FOCAD: variants seen among roughly 807,000 people sequenced by gnomAD.
FOCAD encodes the protein KIAA1797.
A neutral mutation model predicts 225.6 loss-of-function variants in FOCAD; 198 were observed. The ratio of observed to expected loss-of-function variants is 0.88; its 90% CI spans 0.78 to 0.99. The LOEUF is 0.99. Ranked by LOEUF, FOCAD falls within the 50% of genes least tolerant of loss-of-function variation. FOCAD has a pLI of 0.00. For synonymous variants in FOCAD, 897 were observed against 755.0 expected (o/e 1.19, Z -3.08); for missense variants, 2,713 against 2,123.6 (o/e 1.28, Z -5.46).
chr9:20,952,212 T>C (rs1373041482), intron 34 of FOCAD, among the ~76,000 whole-genome samples: 1 of 152,128 alleles, frequency 6.6e-6, no homozygotes, highest in Non-Finnish European at 1.5e-5. Flanking sequence ...TATTATGGGG[T>C]ACTTGGTCTG....
chr9:20,820,407 A>G lies in FOCAD; in HGVS notation c.1644A>G (p.Thr548=), dbSNP rs1400601717. The change falls in exon 13 of 44, where the codon ACA becomes ACG. Residue 548 remains threonine (T), a synonymous_variant. Transcript: ENST00000338382. ...GAGCTGTCACTTTGCGCTTGCTGAC[A>G]TCTTTGTGGGAAAAGCAGGTAATTT... is the stretch of plus-strand genomic sequence containing the variant. The part of the protein sequence containing the change: ...RLRAVTLRLL[T]SLWEKQDRVY... 3.7e-6 allele frequency: 6 copies of G among 1,612,662 alleles called. No homozygotes were observed. The Admixed American group carries it at 8.4e-5, about 22-fold the overall frequency.
chr9:20,658,407 C>A, exon 1 of FOCAD: 1 of 166,626 alleles, frequency 6.0e-6, no homozygotes, highest in Non-Finnish European at 1.3e-5. Context: ...TGATCTCAGA[C>A]TGCTGTGCTA....
intron 5 of FOCAD, among the ~76,000 whole-genome samples, chr9:20,744,403 C>T (rs1237355807): frequency 6.6e-6 from 1 of 152,166 alleles, no homozygotes; most frequent in African/African-American, 2.4e-5. Context: ...CCTTTCTAAG[C>T]AGTCTTTTCT....
At chr9:20,820,914 A>G (rs1267628876) in intron 13 of FOCAD, 27 bp from the exon 14 acceptor site, 2 of 1,603,646 alleles carry the variant, frequency 1.2e-6, no homozygotes, top group East Asian at 2.2e-5. Context: ...TTGGGAAACT[A>G]CCTTTTTTGT....
intron 1 of FOCAD, among the ~76,000 whole-genome samples, chr9:20,690,202 A>T (rs1822891756): frequency 6.6e-6 from 1 of 152,148 alleles, no homozygotes; most frequent in African/African-American, 2.4e-5. Flanking sequence ...GTTTCTAAGG[A>T]CAGCGCCTCA....
intron 9 of FOCAD, among the ~76,000 whole-genome samples, chr9:20,779,033 A>G: frequency 6.6e-6 from 1 of 152,206 alleles, no homozygotes; most frequent in East Asian, 1.9e-4. Flanking sequence ...AATATATTGA[A>G]TGGCATAGCA....
At chr9:20,813,231 A>G (rs185778792) in intron 11 of FOCAD, among the ~76,000 whole-genome samples, 75 of 152,308 alleles carry the variant, frequency 4.9e-4, no homozygotes, top group African/African-American at 1.8e-3. Context: ...CATTGTATGC[A>G]TATACCACAC....
intron 10 of FOCAD, chr9:20,787,199 T>C (rs1820010884): frequency 1.2e-5 from 2 of 167,370 alleles, no homozygotes; most frequent in Non-Finnish European, 2.6e-5. Context: ...CTCTGTTATG[T>C]TGTTGCTTTT....
chr9:20,769,240 A>G (rs973693651), intron 7 of FOCAD, among the ~76,000 whole-genome samples: 1 of 152,146 alleles, frequency 6.6e-6, no homozygotes, highest in Admixed American at 6.5e-5. Flanking sequence ...ACTAATAGTC[A>G]TTTGGGTTAT....
intron 32 of FOCAD, 52 bp downstream of exon 32, chr9:20,948,980 AG>A: frequency 6.6e-7 from 1 of 1,521,336 alleles, no homozygotes; most frequent in Non-Finnish European, 9.1e-7. Flanking sequence ...ACATAGCCAT[AG>A]CGGGAGAAGA....
intron 2 of FOCAD, among the ~76,000 whole-genome samples, chr9:20,677,147 G>A (rs1473986502): frequency 6.6e-6 from 1 of 152,186 alleles, no homozygotes; most frequent in Non-Finnish European, 1.5e-5. Flanking sequence ...ATTAGATGGT[G>A]TTGGGAAAAC....
intron 21 of FOCAD, among the ~76,000 whole-genome samples, chr9:20,898,199 T>G (rs1489902348): frequency 6.6e-6 from 1 of 151,866 alleles, no homozygotes; most frequent in Non-Finnish European, 1.5e-5. Context: ...AAATACAATA[T>G]ACAAATACCT....
At chr9:20,972,274 C>T (rs942371658) in intron 35 of FOCAD, among the ~76,000 whole-genome samples, 7 of 152,022 alleles carry the variant, frequency 4.6e-5, no homozygotes, top group Admixed American at 4.6e-4. Context: ...TTTGCATATC[C>T]TGGGCAACAC....
intron 35 of FOCAD, among the ~76,000 whole-genome samples, chr9:20,968,464 T>TAA (rs1839468568): frequency 8.7e-6 from 1 of 115,502 alleles, no homozygotes; most frequent in Admixed American, 1.2e-4. Context: ...TTGGGAGAGT[T>TAA]AGAGTATTGC....
chr9:20,874,911 C>T, intron 19 of FOCAD, 104 bp downstream of exon 19: 11 of 1,409,538 alleles, frequency 7.8e-6, no homozygotes, highest in Non-Finnish European at 9.9e-6. Context: ...ACCTTATGTG[C>T]TTATTTTTTA....
intron 4 of FOCAD, among the ~76,000 whole-genome samples, chr9:20,726,859 G>A (rs1050859487): frequency 5.9e-5 from 9 of 152,102 alleles, no homozygotes; most frequent in Non-Finnish European, 1.3e-4. Context: ...CATTATTGAA[G>A]CTTTTCTGTA....
At chr9:20,906,000 T>C (rs1832938374) in intron 21 of FOCAD, among the ~76,000 whole-genome samples, 1 of 151,968 alleles carries the variant, frequency 6.6e-6, no homozygotes, top group African/African-American at 2.4e-5. Context: ...TTAATCTCTT[T>C]GTTCTTTTTA....
At chr9:20,727,935 C>G (rs917788866) in intron 4 of FOCAD, among the ~76,000 whole-genome samples, 1 of 152,072 alleles carries the variant, frequency 6.6e-6, no homozygotes, top group Non-Finnish European at 1.5e-5. Context: ...ATTTTGAAAG[C>G]AAAGAATCAA....
chr9:20,763,514 C>T (rs12164232), intron 6 of FOCAD, among the ~76,000 whole-genome samples: 50,406 of 152,052 alleles, frequency 0.33, 8,923 homozygotes, highest in Non-Finnish European at 0.39. Flanking sequence ...AAAAGCACAT[C>T]TGATGTGATC....
Sources: allele counts gnomAD v4.1 joint callset (sites outside exome capture counted in the v4.1 genomes callset), GRCh38; gene constraint gnomAD v4.1.1; transcripts MANE v1.5; gene names NCBI Gene and HGNC (gene_info 2026-07-23, HGNC 2026-07-21).